The following TXNDC16 variants were observed in gnomAD, a reference collection of about 807,000 sequenced individuals.
The protein encoded by TXNDC16 is thioredoxin domain containing 16.
A neutral mutation model predicts 85.6 loss-of-function variants in TXNDC16; 74 were observed. The ratio of observed to expected loss-of-function variants is 0.86; its 90% CI spans 0.72 to 1.05. The LOEUF is 1.05. Ranked by LOEUF, TXNDC16 falls within the 50% of genes least tolerant of loss-of-function variation. The pLI is 0.00. For missense variants in TXNDC16, 959 were observed against 947.0 expected, an observed-to-expected ratio of 1.01 and a Z score of -0.17; for synonymous variants, 335 against 326.5, an observed-to-expected ratio of 1.03 and a Z score of -0.28.
In TXNDC16 at chr14:52,512,433, C is replaced by T. The variant is rs1204564375; in HGVS notation, c.606-1043G>A. ...TTAAAAAACAAAAAGGGAGAGAATT[C>T]CCCCTCCAATAAGATAGGACAAATG... On this transcript the variant is annotated intron_variant, in intron 8 of 20. Transcript: ENST00000281741. Among the ~76,000 whole-genome samples, 6 of 152,052 alleles carry T rather than the reference C, an allele frequency of 3.9e-5. No homozygotes were observed. In the South Asian group the frequency reaches 8.3e-4, roughly 21 times the overall value.
intron 5 of TXNDC16, among the ~76,000 whole-genome samples, chr14:52,537,145 C>T (rs891597093): frequency 6.6e-6 from 1 of 151,814 alleles, no homozygotes; most frequent in Non-Finnish European, 1.5e-5. Context: ...AAAGAAGTGT[C>T]CTCAGAAGGT....
At chr14:52,547,392 G>A (rs1290167664) in intron 1 of TXNDC16, among the ~76,000 whole-genome samples, 4 of 152,176 alleles carry the variant, frequency 2.6e-5, no homozygotes, top group African/African-American at 7.2e-5. Flanking sequence ...GAATGTAAAT[G>A]TTTAGAACAT....
rs1267464653 is a variant in TXNDC16 at position 52,488,431 on chromosome 14, A to C, written c.1040T>G (p.Val347Gly). Reference sequence around the variant, plus strand: ...TTCCTCAATGTGCATATTATTTTCCACATGAGATATTATTAAATCAACATC... The same window carrying C: ...TTCCTCAATGTGCATATTATTTTCCCCATGAGATATTATTAAATCAACATC... Reference protein sequence around the residue: ...LHDVDLIISHVENNMHIEEIQ... With the variant: ...LHDVDLIISHGENNMHIEEIQ... Residue 347 changes from valine to glycine, a missense_variant, in exon 12 of 21, where the codon GTG becomes GGG. Val to Gly is a moderately radical substitution (Grantham distance 109). Transcript: ENST00000281741. The C allele has an allele frequency of 6.2e-7, 1 of 1,612,708 alleles. No homozygotes were observed. The highest frequency in any genetic ancestry group is 1.3e-5 in the African/African-American group (1 of 75,026).
Position 52,537,612 on chromosome 14 carries a change from C to T in TXNDC16, c.304G>A (p.Ala102Thr), listed in dbSNP as rs763793305. The T allele has an allele frequency of 1.9e-6, 3 of 1,587,138 alleles. No homozygotes were observed. The highest frequency in any genetic ancestry group is 2.2e-5 in the East Asian group (1 of 44,628). ...AAAATAGCTTACTTGAATAAATATGCTTTCATCAAATCCTTTTCTTTTCCA... is the reference window on the plus strand; with the variant it reads ...AAAATAGCTTACTTGAATAAATATGTTTTCATCAAATCCTTTTCTTTTCCA... Reference protein sequence around the residue: ...YCGKEKDLMKAYLFKGNILLR... With the variant: ...YCGKEKDLMKTYLFKGNILLR... The change falls in exon 5 of 21, where the codon GCA becomes ACA. Residue 102 changes from alanine (A) to threonine (T), a missense_variant. Physicochemically the swap from Ala to Thr is moderately conservative, Grantham distance 58 (BLOSUM62 0). Transcript: ENST00000281741.
At chr14:52,518,537 C>G (rs2037137593) in intron 7 of TXNDC16, among the ~76,000 whole-genome samples, 1 of 152,130 alleles carries the variant, frequency 6.6e-6, no homozygotes, top group African/African-American at 2.4e-5. Context: ...GCTTTACTTC[C>G]CAAACACTGC....
chr14:52,543,043 C>T (rs186848577), intron 3 of TXNDC16, among the ~76,000 whole-genome samples: 87 of 151,956 alleles, frequency 5.7e-4, no homozygotes, highest in East Asian at 1.5e-3. Context: ...AATAGTTACA[C>T]GCTAAAAACA....
At position 52,482,942 on chromosome 14, in the gene TXNDC16, C is replaced by T. The variant is rs571400331; in HGVS notation, c.1132G>A (p.Glu378Lys). Reference protein sequence around the residue: ...DIDVQDDEVAETVFRDRKRKL... With the variant: ...DIDVQDDEVAKTVFRDRKRKL... ...CTCTTCCTATCTCTGAAAACAGTTT[C>T]TGCCACTTCATCATCCTGAACATCT... Residue 378 changes from glutamate (E) to lysine (K), a missense_variant, in exon 13 of 21, where the codon GAA (glutamate) becomes AAA (lysine). Glu to Lys is a moderately conservative substitution (Grantham distance 56, BLOSUM62 1). Transcript: ENST00000281741. 21 of 1,609,106 alleles carry T rather than the reference C, an allele frequency of 1.3e-5. 1 individual carries two copies. The highest frequency in any genetic ancestry group is 6.7e-5 in the East Asian group (3 of 44,758).
At chr14:52,550,990 T>C (rs2038031349) in intron 1 of TXNDC16, among the ~76,000 whole-genome samples, 1 of 152,158 alleles carries the variant, frequency 6.6e-6, no homozygotes, top group Admixed American at 6.5e-5. Flanking sequence ...AGATGTTGGA[T>C]TAGGCCTGTT....
At chr14:52,536,628 C>G in intron 6 of TXNDC16, 91 bp downstream of exon 6, 4 of 1,114,850 alleles carry the variant, frequency 3.6e-6, no homozygotes, top group Non-Finnish European at 5.1e-6. Flanking sequence ...ATGTTAAAAC[C>G]CTGAAATATT....
intron 4 of TXNDC16, among the ~76,000 whole-genome samples, chr14:52,540,838 T>G (rs1392960865): frequency 6.6e-6 from 1 of 152,222 alleles, no homozygotes; most frequent in Non-Finnish European, 1.5e-5. Flanking sequence ...CACAAATATT[T>G]ACTCAGCACT....
intron 4 of TXNDC16, among the ~76,000 whole-genome samples, chr14:52,539,672 A>C (rs1265369506): frequency 6.6e-6 from 1 of 152,170 alleles, no homozygotes; most frequent in Non-Finnish European, 1.5e-5. Context: ...AGTAAAAATG[A>C]AGGTATAGGA....
At chr14:52,527,199 C>T (rs1352051243) in intron 6 of TXNDC16, among the ~76,000 whole-genome samples, 4 of 152,174 alleles carry the variant, frequency 2.6e-5, no homozygotes, top group African/African-American at 9.7e-5. Flanking sequence ...GCTGTTCAGA[C>T]AAAAGCATAG....
intron 9 of TXNDC16, among the ~76,000 whole-genome samples, chr14:52,496,418 C>CTTT (rs200696407): frequency 1.7e-4 from 22 of 130,202 alleles, no homozygotes; most frequent in African/African-American, 5.1e-4. Context: ...TCCAACTCGT[C>CTTT]TTTTTTTTTT....
At chr14:52,519,368 C>T (rs1397865622) in intron 6 of TXNDC16, 75 bp from the exon 7 acceptor site, 30 of 1,151,314 alleles carry the variant, frequency 2.6e-5, no homozygotes, top group Non-Finnish European at 3.6e-5. Context: ...GTTAAAGAAC[C>T]TAACCAAAAG....
intron 15 of TXNDC16, 34 bp from the exon 16 acceptor site, chr14:52,470,207 T>G: frequency 6.7e-7 from 1 of 1,488,422 alleles, no homozygotes. Flanking sequence ...ACAAATTAAT[T>G]TTTTAAGATA....
chr14:52,507,301 A>T (rs1163820575), intron 9 of TXNDC16, among the ~76,000 whole-genome samples: 1 of 152,052 alleles, frequency 6.6e-6, no homozygotes, highest in African/African-American at 2.4e-5. Context: ...TCATGAGTGA[A>T]CTCCCATTCA....
chr14:52,433,897 GGCTGGGCAT>G (rs2034964829), intron 20 of TXNDC16, among the ~76,000 whole-genome samples: 1 of 152,174 alleles, frequency 6.6e-6, no homozygotes, highest in Admixed American at 6.5e-5. Flanking sequence ...GTCCAGTTTA[GGCTGGGCAT>G]GGTGGCTCAC....
intron 18 of TXNDC16, among the ~76,000 whole-genome samples, chr14:52,445,170 G>GTA (rs2035249907): frequency 6.6e-6 from 1 of 151,964 alleles, no homozygotes; most frequent in African/African-American, 2.4e-5. Context: ...CCAAACAAAG[G>GTA]CTTCTAGTAA....
intron 16 of TXNDC16, among the ~76,000 whole-genome samples, chr14:52,463,803 C>T: frequency 6.6e-6 from 1 of 152,142 alleles, no homozygotes; most frequent in Non-Finnish European, 1.5e-5. Context: ...TAACAAAACA[C>T]AAATTTATAT....
Sources: gnomAD v4.1 joint callset for allele counts (sites outside exome capture counted in the v4.1 genomes callset) on GRCh38, gnomAD v4.1.1 for gene constraint, MANE v1.5 for transcripts, NCBI Gene and HGNC (gene_info 2026-07-23, HGNC 2026-07-21) for gene names.